BCL2L11: variants seen among roughly 807,000 people sequenced by gnomAD.
BCL2L11 encodes BCL2 like 11.
A neutral mutation model predicts 20.6 loss-of-function variants in BCL2L11; 15 were observed. The observed-to-expected ratio is 0.73, with a 90% CI of 0.49 to 1.12. The LOEUF (loss-of-function observed/expected upper bound fraction) is 1.12, where lower values mean the gene tolerates loss of function less well. BCL2L11 is among the 50% of genes most tolerant of loss of function. BCL2L11 has a pLI of 0.00. For synonymous variants in BCL2L11, 108 were observed against 92.8 expected, an observed-to-expected ratio of 1.16 and a Z score of -0.94; for missense variants, 292 against 260.9, an observed-to-expected ratio of 1.12 and a Z score of -0.82.
chr2:111,137,742 G>A (rs1178808389), intron 2 of BCL2L11, among the ~76,000 whole-genome samples: 11 of 151,958 alleles, frequency 7.2e-5, no homozygotes, highest in African/African-American at 2.7e-4. Context: ...CCTCTAATGG[G>A]AGGGGAGAAT....
chr2:111,123,600 T>C, intron 1 of BCL2L11, 133 bp from the exon 2 acceptor site: 1 of 1,216,276 alleles, frequency 8.2e-7, no homozygotes, highest in Non-Finnish European at 1.0e-6. Flanking sequence ...ATTTGGGAGA[T>C]TGTCAGAAAA....
At chr2:111,137,353 T>C (rs1311831837) in intron 2 of BCL2L11, among the ~76,000 whole-genome samples, 1 of 152,200 alleles carries the variant, frequency 6.6e-6, no homozygotes, top group East Asian at 1.9e-4. Context: ...AGAATTAAGT[T>C]GTCTCCATTC....
rs559684039 is a variant in BCL2L11 at position 111,164,811 on chromosome 2, A to G, written c.*580A>G. ...TTTTTAAATTATTTTTAATACCAAAAGAGTTCTTTTGAAATGGAACTGATT... is the reference window on the plus strand; with the variant it reads ...TTTTTAAATTATTTTTAATACCAAAGGAGTTCTTTTGAAATGGAACTGATT... On this transcript the variant is annotated 3_prime_UTR_variant, in exon 4 of 4. Coordinates refer to ENST00000393256, the MANE Select transcript of BCL2L11 (RefSeq NM_138621.5). 10 of 152,880 alleles carry G rather than the reference A, an allele frequency of 6.5e-5. No homozygotes were observed. The highest frequency in any genetic ancestry group is 2.2e-4 in the African/African-American group (9 of 41,588). The allele number at this position is 152,880 out of a possible 1,614,324, so 9.5% of individuals were successfully genotyped here.
At chr2:111,144,258 C>T (rs59094500) in intron 2 of BCL2L11, among the ~76,000 whole-genome samples, 3,955 of 152,236 alleles carry the variant, frequency 0.026, 161 homozygotes, top group African/African-American at 0.089. Context: ...ATGCTGTCAT[C>T]GTATTTCTCA....
chr2:111,124,723 T>G (rs1028112178), intron 2 of BCL2L11, among the ~76,000 whole-genome samples: 8 of 152,254 alleles, frequency 5.3e-5, no homozygotes, highest in Non-Finnish European at 8.8e-5. Context: ...AATGACATTT[T>G]GCTTGAAAGG....
chr2:111,153,211 C>T (rs937094892), intron 3 of BCL2L11, among the ~76,000 whole-genome samples: 7 of 151,994 alleles, frequency 4.6e-5, no homozygotes, highest in African/African-American at 1.7e-4. Context: ...AGCCCCGTCT[C>T]TACTAAAAGT....
chr2:111,128,603 CTT>C (rs58812324), intron 2 of BCL2L11: 22,942 of 1,362,484 alleles, frequency 0.017, 18 homozygotes, highest in African/African-American at 0.044. Flanking sequence ...CTTACCAACA[CTT>C]TTTTTTTTTT....
At chr2:111,157,858 C>T (rs2078058346) in intron 3 of BCL2L11, among the ~76,000 whole-genome samples, 1 of 152,246 alleles carries the variant, frequency 6.6e-6, no homozygotes, top group Non-Finnish European at 1.5e-5. Context: ...GCACCCATAG[C>T]TTTGCAACGC....
intron 2 of BCL2L11, among the ~76,000 whole-genome samples, chr2:111,148,004 A>G (rs974761173): frequency 6.6e-6 from 1 of 152,208 alleles, no homozygotes; most frequent in Non-Finnish European, 1.5e-5. Flanking sequence ...GGATTTGTGA[A>G]TATCATTGAT....
Position 111,164,874 on chromosome 2 carries a change from T to C in BCL2L11, c.*643T>C, listed in dbSNP as rs141765222. Reference sequence around the variant, plus strand: ...GGTCTGTTGCCAGCCTGCATTGATATACCAGTCCCATTTGTAAATATTTAC... The same window carrying C: ...GGTCTGTTGCCAGCCTGCATTGATACACCAGTCCCATTTGTAAATATTTAC... On this transcript the variant is annotated 3_prime_UTR_variant, in exon 4 of 4. Coordinates refer to ENST00000393256, the MANE Select transcript of BCL2L11 (RefSeq NM_138621.5). 2 of 152,706 alleles carry C rather than the reference T, an allele frequency of 1.3e-5. No individual in the cohort carries two copies. Among genetic ancestry groups the C allele is most frequent in the East Asian group, 1.9e-4 (1 of 5,194 alleles). 9.5% of individuals were successfully genotyped at this position (152,706 alleles called of 1,614,324 possible).
intron 2 of BCL2L11, among the ~76,000 whole-genome samples, chr2:111,125,707 G>A (rs1429479718): frequency 6.6e-6 from 1 of 151,556 alleles, no homozygotes; most frequent in Non-Finnish European, 1.5e-5. Flanking sequence ...AGGTGGTGGG[G>A]AGAAATGACA....
intron 2 of BCL2L11, 27 bp from the exon 3 acceptor site, chr2:111,150,017 T>C: frequency 6.3e-7 from 1 of 1,595,106 alleles, no homozygotes; most frequent in Non-Finnish European, 8.6e-7. Flanking sequence ...CACAATGTGA[T>C]TTTTGTTTTG....
intron 3 of BCL2L11, among the ~76,000 whole-genome samples, chr2:111,161,906 ACTGGAG>A: frequency 6.6e-6 from 1 of 152,278 alleles, no homozygotes. Context: ...GGGAGATTTC[ACTGGAG>A]CTGGCTGAAG....
intron 3 of BCL2L11, among the ~76,000 whole-genome samples, chr2:111,152,816 T>C (rs1049783901): frequency 6.6e-6 from 1 of 152,248 alleles, no homozygotes; most frequent in Non-Finnish European, 1.5e-5. Flanking sequence ...AAGATGGTCA[T>C]GTCTGTGTTT....
At chr2:111,144,206 A>G (rs1008813630) in intron 2 of BCL2L11, among the ~76,000 whole-genome samples, 2 of 152,218 alleles carry the variant, frequency 1.3e-5, no homozygotes, top group Non-Finnish European at 1.5e-5. Context: ...TTTTGACACA[A>G]ATGTGTTCCA....
intron 2 of BCL2L11, among the ~76,000 whole-genome samples, chr2:111,133,684 C>T (rs2074341224): frequency 1.3e-5 from 2 of 152,142 alleles, no homozygotes; most frequent in South Asian, 4.1e-4. Context: ...TACTTGAAAA[C>T]ATCTGTATTC....
chr2:111,146,343 T>G, intron 2 of BCL2L11: 8 of 642,448 alleles, frequency 1.2e-5, no homozygotes, highest in Non-Finnish European at 1.6e-5. Flanking sequence ...AAAATATTTA[T>G]GCTTGGTTCT....
chr2:111,155,421 G>A (rs1458662082), intron 3 of BCL2L11, among the ~76,000 whole-genome samples: 1 of 150,408 alleles, frequency 6.6e-6, no homozygotes, highest in African/African-American at 2.5e-5. Context: ...CTCTGTAGAT[G>A]TGGGCCGGAG....
intron 2 of BCL2L11, among the ~76,000 whole-genome samples, chr2:111,125,373 T>A (rs748663339): frequency 6.6e-6 from 1 of 152,198 alleles, no homozygotes; most frequent in Non-Finnish European, 1.5e-5. Context: ...TGGAAAAGGT[T>A]CATGTCTTGA....
Sources: gnomAD v4.1 joint callset for allele counts (sites outside exome capture counted in the v4.1 genomes callset) on GRCh38, gnomAD v4.1.1 for gene constraint, MANE v1.5 for transcripts, NCBI Gene and HGNC (gene_info 2026-07-23, HGNC 2026-07-21) for gene names.